Variants in FDFT1 observed in about 807,000 individuals in gnomAD.
The protein encoded by FDFT1 is squalene synthase.
A neutral mutation model predicts 46.8 loss-of-function variants in FDFT1; 68 were observed. The ratio of observed to expected loss-of-function variants is 1.45; its 90% CI spans 1.19 to 1.78. The LOEUF (loss-of-function observed/expected upper bound fraction) is 1.78. Among genes scored for constraint, FDFT1 ranks in the 40% most tolerant of loss-of-function variants. FDFT1 has a pLI of 0.00. For synonymous variants in FDFT1, 351 were observed against 185.1 expected (o/e 1.90, Z -7.28); for missense variants, 928 against 524.4 (o/e 1.77, Z -7.52).
upstream of FDFT1, chr8:11,802,688 C>A (rs1002397069): frequency 3.0e-6 from 2 of 658,888 alleles, no homozygotes; most frequent in Non-Finnish European, 5.2e-6. Flanking sequence ...GTGGGCGGAG[C>A]GGCGGGCGGG....
chr8:11,831,109 T>C (rs1053336411), intron 6 of FDFT1, among the ~76,000 whole-genome samples: 3 of 152,360 alleles, frequency 2.0e-5, no homozygotes, highest in Admixed American at 6.5e-5. Flanking sequence ...GTTTTAAATA[T>C]ATAATGATTA....
chr8:11,815,759 C>T (rs1053103325), intron 3 of FDFT1, among the ~76,000 whole-genome samples: 1 of 152,112 alleles, frequency 6.6e-6, no homozygotes, highest in South Asian at 2.1e-4. Flanking sequence ...TTTGTAGATT[C>T]TGGATACTAC....
At chr8:11,802,305 C>T, upstream of FDFT1, 1 of 394,268 alleles carries the variant, frequency 2.5e-6, no homozygotes, top group Non-Finnish European at 5.1e-6. Flanking sequence ...CAGGAGCCAC[C>T]GAGGCCGGAC....
Position 11,830,211 on chromosome 8 carries a change from C to A in FDFT1, c.703-33C>A. The A allele has an allele frequency of 2.6e-6, 4 of 1,560,954 alleles. No individual in the cohort carries two copies. In the South Asian group the frequency reaches 3.3e-5, roughly 13 times the overall value. On this transcript the variant is annotated intron_variant, in intron 5 of 7. Coordinates refer to ENST00000220584, the MANE Select transcript of FDFT1 (RefSeq NM_004462.5). ...TTGTAAATTCTCCCCTATGCACACG[C>A]TGACCTGTTCCTTAATCTTCTTATC...
chr8:11,812,360 A>G (rs1473454088), intron 3 of FDFT1, among the ~76,000 whole-genome samples: 1 of 152,148 alleles, frequency 6.6e-6, no homozygotes, highest in African/African-American at 2.4e-5. Flanking sequence ...GTGATGGCCA[A>G]GGGCTGTGTT....
chr8:11,823,623 G>C (rs113872327), intron 4 of FDFT1, among the ~76,000 whole-genome samples: 57 of 152,120 alleles, frequency 3.7e-4, no homozygotes, highest in Middle Eastern at 3.4e-3. Context: ...CACCCAGACT[G>C]GAATGCAGTG....
chr8:11,835,634 A>G (rs1238013396), intron 7 of FDFT1, among the ~76,000 whole-genome samples: 1 of 152,148 alleles, frequency 6.6e-6, no homozygotes, highest in Non-Finnish European at 1.5e-5. Context: ...CTTTTTTCCC[A>G]AAAGGATGTA....
chr8:11,808,835 C>T lies in FDFT1; in HGVS notation c.141C>T (p.Leu47=), dbSNP rs1403597727. The change falls in exon 2 of 8, where the codon CTC becomes CTT. Residue 47 remains leucine, a synonymous_variant. Transcript: ENST00000220584. Reference sequence around the variant, plus strand: ...GCCTGAAAACTTGCTACAAGTATCTCAATCAGACCAGTCGCAGTTTCGCAG... The same window carrying T: ...GCCTGAAAACTTGCTACAAGTATCTTAATCAGACCAGTCGCAGTTTCGCAG... ...SSSLKTCYKY[L]NQTSRSFAAV... 4 of 1,614,106 alleles carry T rather than the reference C, an allele frequency of 2.5e-6. No homozygotes were observed. The highest frequency in any genetic ancestry group is 3.3e-5 in the Admixed American group (2 of 60,024).
chr8:11,833,025 C>T (rs73663017), intron 7 of FDFT1, among the ~76,000 whole-genome samples: 3,317 of 152,272 alleles, frequency 0.022, 122 homozygotes, highest in African/African-American at 0.074. Flanking sequence ...TATACTTCCT[C>T]CCTACCTTTA....
chr8:11,811,332 CTAA>C, intron 3 of FDFT1, among the ~76,000 whole-genome samples: 1 of 152,310 alleles, frequency 6.6e-6, no homozygotes, highest in South Asian at 2.1e-4. Context: ...TTAAAAACAA[CTAA>C]TATTATTCTA....
At chr8:11,814,398 G>T (rs923477218) in intron 3 of FDFT1, among the ~76,000 whole-genome samples, 3 of 150,708 alleles carry the variant, frequency 2.0e-5, no homozygotes, top group Non-Finnish European at 4.4e-5. Context: ...GCAATCAGCC[G>T]GCCACCTGGT....
rs191963453 is a variant in FDFT1 at position 11,825,142 on chromosome 8, G to C, written c.511-882G>C. Among the ~76,000 whole-genome samples, 7 of 152,236 alleles carry C rather than the reference G, an allele frequency of 4.6e-5. No homozygotes were observed. In the East Asian group the frequency reaches 1.2e-3, roughly 25 times the overall value. ...CGGATCTTGACATGTTATCAGATTG[G>C]TCAAAAAAAGATTAAACCATAGTTG... is the stretch of plus-strand genomic sequence containing the variant. On this transcript the variant is annotated intron_variant, in intron 4 of 7. Coordinates refer to ENST00000220584, the MANE Select transcript of FDFT1 (RefSeq NM_004462.5).
At chr8:11,804,107 C>T (rs1000740688) in intron 1 of FDFT1, among the ~76,000 whole-genome samples, 1 of 152,202 alleles carries the variant, frequency 6.6e-6, no homozygotes, top group Non-Finnish European at 1.5e-5. Context: ...AGTGAACAAG[C>T]TAGGTGAAGA....
intron 3 of FDFT1, among the ~76,000 whole-genome samples, chr8:11,818,867 T>C (rs553044259): frequency 3.7e-4 from 57 of 152,344 alleles, no homozygotes; most frequent in African/African-American, 1.3e-3. Flanking sequence ...AAGGTTAATA[T>C]TGTTATGTTT....
At chr8:11,808,277 T>C in intron 1 of FDFT1, 3 of 1,219,278 alleles carry the variant, frequency 2.5e-6, no homozygotes, top group South Asian at 8.5e-5. Flanking sequence ...AGCGAGCCGC[T>C]CGGAAGTGCG....
upstream of FDFT1, among the ~76,000 whole-genome samples, chr8:11,801,282 G>A (rs1806094138): frequency 6.6e-6 from 1 of 152,204 alleles, no homozygotes; most frequent in Non-Finnish European, 1.5e-5. Context: ...TTGTTGGAGA[G>A]ACACTGAACA....
chr8:11,814,899 A>G (rs896860367), intron 3 of FDFT1, among the ~76,000 whole-genome samples: 2 of 151,804 alleles, frequency 1.3e-5, no homozygotes, highest in African/African-American at 4.8e-5. Context: ...TTTAAGTTCT[A>G]GGGTACATGT....
At chr8:11,807,837 G>C (rs1807059211) in intron 1 of FDFT1, 1 of 152,282 alleles carries the variant, frequency 6.6e-6, no homozygotes, top group Non-Finnish European at 1.5e-5. Context: ...GGGTTGGACA[G>C]TGGTAGTAAA....
At chr8:11,800,380 CCAAA>C (rs942030249), upstream of FDFT1, among the ~76,000 whole-genome samples, 3 of 149,796 alleles carry the variant, frequency 2.0e-5, no homozygotes, top group Non-Finnish European at 4.4e-5. Flanking sequence ...TGGGAGTATA[CCAAA>C]CAAAGGAGAC....
Sources: allele counts gnomAD v4.1 joint callset (sites outside exome capture counted in the v4.1 genomes callset), GRCh38; gene constraint gnomAD v4.1.1; transcripts MANE v1.5; gene names NCBI Gene and HGNC (gene_info 2026-07-23, HGNC 2026-07-21).